The following PAIP2B variants were observed in gnomAD, a reference collection of about 807,000 sequenced individuals.
The protein encoded by PAIP2B is poly(A) binding protein interacting protein 2B.
In PAIP2B, 13 loss-of-function variants were observed where a neutral mutation model predicts 17.0. That is an observed-to-expected ratio of 0.76 (90% CI 0.50 to 1.22). The LOEUF is 1.22. Ranked by LOEUF, PAIP2B falls within the 50% of genes most tolerant of loss-of-function variation. PAIP2B has a pLI of 0.00. For synonymous variants in PAIP2B, 43 were observed against 48.7 expected, an observed-to-expected ratio of 0.88 and a Z score of 0.48; for missense variants, 117 against 144.5, an observed-to-expected ratio of 0.81 and a Z score of 0.98.
chr2:71,188,443 T>A lies in PAIP2B; in HGVS notation c.*36A>T, dbSNP rs767288738. 4 of 1,572,834 alleles carry A rather than the reference T, an allele frequency of 2.5e-6. No homozygotes were observed. The South Asian group carries it at 3.4e-5, about 14-fold the overall frequency. ...TTTTGTGCATTACTATCCCCAGATGTGGGGACAGACAAGTCTTCCTCAAAG... is the reference window on the plus strand; with the variant it reads ...TTTTGTGCATTACTATCCCCAGATGAGGGGACAGACAAGTCTTCCTCAAAG... On this transcript the variant is annotated 3_prime_UTR_variant, in exon 4 of 4. Coordinates refer to ENST00000244221, the MANE Select transcript of PAIP2B (RefSeq NM_020459.1).
At chr2:71,221,500 G>A (rs1199739786) in intron 1 of PAIP2B, among the ~76,000 whole-genome samples, 2 of 152,072 alleles carry the variant, frequency 1.3e-5, no homozygotes, top group African/African-American at 4.8e-5. Flanking sequence ...AGAGCTCACG[G>A]TCTAGTATGA....
At chr2:71,219,222 G>A (rs1044326122) in intron 1 of PAIP2B, among the ~76,000 whole-genome samples, 7 of 151,638 alleles carry the variant, frequency 4.6e-5, no homozygotes, top group East Asian at 1.9e-4. Flanking sequence ...GAGCCACCGC[G>A]CCCAGCCTAA....
chr2:71,192,036 A>T (rs1210978243), intron 2 of PAIP2B, among the ~76,000 whole-genome samples: 1 of 146,958 alleles, frequency 6.8e-6, no homozygotes. Context: ...GTTTCCCACA[A>T]ATCTACACCC....
At chr2:71,199,704 C>A (rs1171932054) in intron 2 of PAIP2B, among the ~76,000 whole-genome samples, 1 of 151,994 alleles carries the variant, frequency 6.6e-6, no homozygotes, top group Non-Finnish European at 1.5e-5. Flanking sequence ...GTAGCTGGGA[C>A]TAAAGGCGCC....
intron 2 of PAIP2B, among the ~76,000 whole-genome samples, chr2:71,193,835 C>G (rs357771): frequency 1.5e-4 from 22 of 144,164 alleles, no homozygotes; most frequent in African/African-American, 5.2e-4. Flanking sequence ...AGACTCTGTC[C>G]CAAAAAAAAA....
At chr2:71,189,733 G>T in intron 3 of PAIP2B, 112 bp downstream of exon 3, 2 of 1,032,624 alleles carry the variant, frequency 1.9e-6, no homozygotes, top group African/African-American at 1.6e-5. Context: ...AGAAACAACA[G>T]CTCACAGGGC....
At chr2:71,206,799 A>C (rs1675139380) in intron 1 of PAIP2B, among the ~76,000 whole-genome samples, 1 of 152,254 alleles carries the variant, frequency 6.6e-6, no homozygotes, top group Admixed American at 6.5e-5. Context: ...ATTACCTGGA[A>C]AAAGTCTACT....
At chr2:71,214,463 T>G (rs919754802) in intron 1 of PAIP2B, among the ~76,000 whole-genome samples, 1 of 152,208 alleles carries the variant, frequency 6.6e-6, no homozygotes, top group Non-Finnish European at 1.5e-5. Context: ...CATGAACATA[T>G]GAAGCTCCAT....
intron 1 of PAIP2B, among the ~76,000 whole-genome samples, chr2:71,209,403 TG>T (rs1433839420): frequency 1.3e-5 from 2 of 151,886 alleles, no homozygotes; most frequent in Admixed American, 6.6e-5. Context: ...GTGTAGGTCC[TG>T]GGAAGGCAGA....
intron 1 of PAIP2B, among the ~76,000 whole-genome samples, chr2:71,219,219 C>A (rs769163156): frequency 2.6e-5 from 4 of 151,664 alleles, no homozygotes; most frequent in Non-Finnish European, 4.4e-5. Context: ...CGTGAGCCAC[C>A]GCGCCCAGCC....
intron 2 of PAIP2B, among the ~76,000 whole-genome samples, chr2:71,194,129 T>C (rs1262218762): frequency 1.3e-5 from 2 of 152,208 alleles, no homozygotes; most frequent in Non-Finnish European, 2.9e-5. Context: ...AGACTTGCAG[T>C]ATAGTTTGAA....
intron 1 of PAIP2B, among the ~76,000 whole-genome samples, chr2:71,214,730 G>T (rs967622470): frequency 6.6e-6 from 1 of 152,152 alleles, no homozygotes; most frequent in African/African-American, 2.4e-5. Context: ...TAAGGATGCT[G>T]CATCAGACAC....
At chr2:71,197,965 T>C (rs934861820) in intron 2 of PAIP2B, among the ~76,000 whole-genome samples, 4 of 152,344 alleles carry the variant, frequency 2.6e-5, no homozygotes, top group African/African-American at 7.2e-5. Context: ...AGCCAAACCA[T>C]ATCAATCCTG....
At chr2:71,218,856 A>T (rs1675501110) in intron 1 of PAIP2B, among the ~76,000 whole-genome samples, 2 of 152,154 alleles carry the variant, frequency 1.3e-5, no homozygotes, top group Non-Finnish European at 2.9e-5. Context: ...TGCATAAAAA[A>T]GTATAAAAAG....
At chr2:71,218,166 C>T (rs1362133280) in intron 1 of PAIP2B, among the ~76,000 whole-genome samples, 1 of 151,650 alleles carries the variant, frequency 6.6e-6, no homozygotes, top group African/African-American at 2.4e-5. Flanking sequence ...TGGAGCTTGG[C>T]TAGCAAAAAA....
intron 3 of PAIP2B, 121 bp from the exon 4 acceptor site, chr2:71,188,656 T>C (rs1330967229): frequency 1.2e-6 from 1 of 824,172 alleles, no homozygotes; most frequent in African/African-American, 1.7e-5. Flanking sequence ...TCCTTGTAAC[T>C]CAGGCTGTTA....
At chr2:71,188,821 C>T (rs1267365052) in intron 3 of PAIP2B, among the ~76,000 whole-genome samples, 2 of 152,120 alleles carry the variant, frequency 1.3e-5, no homozygotes, top group Non-Finnish European at 2.9e-5. Flanking sequence ...TCACTGAGTA[C>T]CTTAACTTGG....
chr2:71,194,463 G>GTGTGTGTC (rs1674765352), intron 2 of PAIP2B, among the ~76,000 whole-genome samples: 1 of 113,572 alleles, frequency 8.8e-6, no homozygotes, highest in African/African-American at 3.2e-5. Flanking sequence ...CCTAGGTTGT[G>GTGTGTGTC]TGTGTGTGTG....
intron 2 of PAIP2B, among the ~76,000 whole-genome samples, chr2:71,192,262 ATT>A (rs56380844): frequency 0.2 from 27,811 of 142,142 alleles, 2,701 homozygotes; most frequent in South Asian, 0.38. Context: ...TAGATACTGC[ATT>A]TTTTTTTTTT....
Sources: allele counts gnomAD v4.1 joint callset (sites outside exome capture counted in the v4.1 genomes callset), GRCh38; gene constraint gnomAD v4.1.1; transcripts MANE v1.5; gene names NCBI Gene and HGNC (gene_info 2026-07-23, HGNC 2026-07-21).